The following ARHGEF26 variants were observed in gnomAD, a reference collection of about 807,000 sequenced individuals.
ARHGEF26 encodes the protein Rho guanine nucleotide exchange factor (GEF) 26.
ARHGEF26 carries 59 observed loss-of-function variants against 89.4 expected under a neutral mutation model. The ratio of observed to expected loss-of-function variants is 0.66; its 90% CI spans 0.54 to 0.82. The LOEUF (loss-of-function observed/expected upper bound fraction) is 0.82. Ranked by LOEUF, ARHGEF26 falls within the 40% of genes least tolerant of loss-of-function variation. ARHGEF26 has a pLI of 0.00. For missense variants in ARHGEF26, 1,234 were observed against 1,085.6 expected (o/e 1.14, Z -1.92); for synonymous variants, 500 against 428.4 (o/e 1.17, Z -2.06).
intron 6 of ARHGEF26, among the ~76,000 whole-genome samples, chr3:154,183,126 A>G (rs1436611836): frequency 6.6e-6 from 1 of 152,164 alleles, no homozygotes; most frequent in Non-Finnish European, 1.5e-5. Flanking sequence ...TTGGCAGACT[A>G]CAATCATTTA....
At chr3:154,208,219 G>T (rs1014344671) in intron 9 of ARHGEF26, among the ~76,000 whole-genome samples, 2 of 152,104 alleles carry the variant, frequency 1.3e-5, no homozygotes, top group Non-Finnish European at 2.9e-5. Flanking sequence ...TAACAAACCT[G>T]CATATTGGGC....
At chr3:154,237,406 G>A (rs970371778) in intron 11 of ARHGEF26, among the ~76,000 whole-genome samples, 4 of 152,044 alleles carry the variant, frequency 2.6e-5, no homozygotes, top group Admixed American at 6.6e-5. Context: ...ACCAGGCATG[G>A]TGGTGCATGC....
chr3:154,213,551 C>T (rs1715530826), intron 9 of ARHGEF26, among the ~76,000 whole-genome samples: 1 of 152,092 alleles, frequency 6.6e-6, no homozygotes, highest in South Asian at 2.1e-4. Flanking sequence ...GGCATGACTC[C>T]AGCTTTTGCT....
intron 4 of ARHGEF26, among the ~76,000 whole-genome samples, chr3:154,132,811 C>T (rs1038403868): frequency 6.6e-6 from 1 of 151,990 alleles, no homozygotes; most frequent in African/African-American, 2.4e-5. Context: ...AACCTAGCAT[C>T]ATCTACGTAT....
chr3:154,194,449 C>A (rs2108193781), intron 8 of ARHGEF26, among the ~76,000 whole-genome samples, 195 bp from the exon 9 acceptor site: 1 of 152,234 alleles, frequency 6.6e-6, no homozygotes, highest in South Asian at 2.1e-4. Context: ...TTAACCATTC[C>A]CTGGATGGAC....
chr3:154,207,920 A>G (rs1024318481), intron 9 of ARHGEF26, among the ~76,000 whole-genome samples: 2 of 152,236 alleles, frequency 1.3e-5, no homozygotes, highest in African/African-American at 4.8e-5. Context: ...GCCACAAAAA[A>G]GAATGAGATC....
chr3:154,124,371 C>CT, intron 2 of ARHGEF26, 39 bp from the exon 3 acceptor site: 2 of 977,556 alleles, frequency 2.0e-6, no homozygotes, highest in South Asian at 1.8e-5. Context: ...GTTTGCTTTT[C>CT]CTTTTTTTTT....
intron 11 of ARHGEF26, among the ~76,000 whole-genome samples, chr3:154,235,127 CT>C (rs1717044132): frequency 6.6e-6 from 1 of 151,916 alleles, no homozygotes; most frequent in South Asian, 2.1e-4. Flanking sequence ...TTACAATCAA[CT>C]CAACTATTTC....
At chr3:154,238,249 T>C (rs1717249292) in intron 11 of ARHGEF26, among the ~76,000 whole-genome samples, 1 of 152,240 alleles carries the variant, frequency 6.6e-6, no homozygotes, top group African/African-American at 2.4e-5. Context: ...ATGTGAGAAA[T>C]ATTTGACATA....
intron 12 of ARHGEF26, among the ~76,000 whole-genome samples, chr3:154,244,262 C>T (rs1473689299): frequency 1.3e-5 from 2 of 152,150 alleles, no homozygotes; most frequent in African/African-American, 2.4e-5. Context: ...CATGTAAAAT[C>T]AGCAGTAGGA....
intron 6 of ARHGEF26, among the ~76,000 whole-genome samples, chr3:154,174,744 G>A (rs527397270): frequency 6.6e-6 from 1 of 151,920 alleles, no homozygotes; most frequent in African/African-American, 2.4e-5. Context: ...CTTTTTTATA[G>A]TATTAACACA....
At position 154,122,263 on chromosome 3, in the gene ARHGEF26, G is replaced by A. The variant is rs534326659; in HGVS notation, c.271G>A (p.Val91Met). 1.2e-6 allele frequency: 2 copies of A among 1,611,878 alleles called. No individual in the cohort carries two copies. The highest frequency in any genetic ancestry group is 2.7e-5 in the African/African-American group (2 of 74,920). The stretch of plus-strand genomic sequence containing the variant: ...GCTTCTGGGCGCCCAGCGGAGAGCG[G>A]TGGCCAATGGTGGGACGGCATCCCC... ...PLLLGAQRRAVANGGTASPEY... is the reference protein window; with the variant it reads ...PLLLGAQRRAMANGGTASPEY... The change falls in exon 2 of 15, where the codon GTG (valine) becomes ATG (methionine). Residue 91 changes from valine (V) to methionine (M), a missense_variant. Val to Met is a conservative substitution (Grantham distance 21, BLOSUM62 1). Transcript: ENST00000465093.
At chr3:154,201,224 A>G (rs904769878) in intron 9 of ARHGEF26, among the ~76,000 whole-genome samples, 4 of 145,804 alleles carry the variant, frequency 2.7e-5, no homozygotes, top group African/African-American at 1.0e-4. Flanking sequence ...TCATTGTTCA[A>G]TTCCCACCTA....
chr3:154,239,261 G>GGAGA (rs869046214), intron 11 of ARHGEF26, among the ~76,000 whole-genome samples: 84 of 105,560 alleles, frequency 8.0e-4, no homozygotes, highest in Non-Finnish European at 1.1e-3. Context: ...AGAGAGAGAG[G>GGAGA]GAGAGAGAGA....
At chr3:154,205,296 C>T (rs1714948120) in intron 9 of ARHGEF26, among the ~76,000 whole-genome samples, 1 of 151,870 alleles carries the variant, frequency 6.6e-6, no homozygotes, top group African/African-American at 2.4e-5. Context: ...TCTGGAAATC[C>T]ATTGTGTCTG....
chr3:154,180,386 C>T (rs923413903), intron 6 of ARHGEF26, among the ~76,000 whole-genome samples: 1 of 151,864 alleles, frequency 6.6e-6, no homozygotes, highest in Non-Finnish European at 1.5e-5. Flanking sequence ...CTGTTCCTTG[C>T]TCAGGGCTTC....
intron 6 of ARHGEF26, among the ~76,000 whole-genome samples, chr3:154,184,189 G>A (rs1283977418): frequency 6.6e-6 from 1 of 152,068 alleles, no homozygotes; most frequent in Non-Finnish European, 1.5e-5. Context: ...AGCCAGGATG[G>A]TCTCGATCTC....
chr3:154,215,546 C>G (rs1200186811), intron 9 of ARHGEF26, among the ~76,000 whole-genome samples: 1 of 151,794 alleles, frequency 6.6e-6, no homozygotes, highest in Non-Finnish European at 1.5e-5. Flanking sequence ...TGTCTTAATT[C>G]AAGCTGCTGT....
At chr3:154,123,836 TAAAG>T (rs936854435) in intron 2 of ARHGEF26, among the ~76,000 whole-genome samples, 1 of 152,104 alleles carries the variant, frequency 6.6e-6, no homozygotes, top group African/African-American at 2.4e-5. Context: ...AAATATGACA[TAAAG>T]AAACAGGGAA....
Sources: allele counts gnomAD v4.1 joint callset (sites outside exome capture counted in the v4.1 genomes callset), GRCh38; gene constraint gnomAD v4.1.1; transcripts MANE v1.5; gene names NCBI Gene and HGNC (gene_info 2026-07-23, HGNC 2026-07-21).